Variants in MICAL3 observed in about 807,000 individuals in gnomAD.
MICAL3 encodes the protein microtubule associated monooxygenase, calponin and LIM domain containing 3.
Under a neutral mutation model 207.4 loss-of-function variants are expected in MICAL3, and 62 were observed. That is an observed-to-expected ratio of 0.30 (90% CI 0.24 to 0.37). The LOEUF (loss-of-function observed/expected upper bound fraction) is 0.37. Among genes scored for constraint, MICAL3 ranks in the 10% least tolerant of loss-of-function variants. MICAL3 has a pLI of 1.00. For synonymous variants in MICAL3, 1,077 were observed against 1,069.3 expected (o/e 1.01, Z -0.14); for missense variants, 2,368 against 2,635.6 (o/e 0.90, Z 2.22).
chr22:17,851,435 C>G (rs978102964), intron 19 of MICAL3, among the ~76,000 whole-genome samples: 1 of 152,206 alleles, frequency 6.6e-6, no homozygotes, highest in African/African-American at 2.4e-5. Flanking sequence ...AAACCAGAGG[C>G]TCTGCTGGGG....
At chr22:17,982,635 T>A (rs1935965527) in intron 1 of MICAL3, among the ~76,000 whole-genome samples, 1 of 150,444 alleles carries the variant, frequency 6.6e-6, no homozygotes, top group Non-Finnish European at 1.5e-5. Context: ...TGTACCACTG[T>A]ACTCCAGCCT....
Position 17,817,465 on chromosome 22 carries a change from G to T in MICAL3, c.5196C>A (p.Ala1732=). ...EKPSSNLLEE[A]AAKPKSLWKS... ...TCCACAGGGACTTGGGTTTGGCGGC[G>T]GCTTCTTCTAGGAGGTTGGAGCTGG... Residue 1732 remains alanine, a synonymous_variant, in exon 26 of 32, where the codon GCC becomes GCA. Coordinates refer to ENST00000441493, the MANE Select transcript of MICAL3 (RefSeq NM_015241.3). 1 of 1,613,754 alleles carries T rather than the reference G, an allele frequency of 6.2e-7. No homozygotes were observed. Among genetic ancestry groups the T allele is most frequent in the Non-Finnish European group, 8.5e-7 (1 of 1,179,864 alleles).
At chr22:17,970,340 C>T (rs150991731) in intron 1 of MICAL3, among the ~76,000 whole-genome samples, 1 of 152,186 alleles carries the variant, frequency 6.6e-6, no homozygotes, top group African/African-American at 2.4e-5. Flanking sequence ...AGAGGATGTT[C>T]GTGGTCTGCC....
In MICAL3 at chr22:17,822,046, C is replaced by T. The variant is rs374313942; in HGVS notation, c.3432G>A (p.Pro1144=). The part of the protein sequence containing the change: ...SEDEEKLPAS[P]KHQERGPSQA... The stretch of plus-strand genomic sequence containing the variant: ...CAGGCTCACCTCTCTCTTGGTGCTT[C>T]GGTGAGGCGGGCAGCTTCTCCTCAT... The change falls in exon 24 of 32, where the codon CCG becomes CCA. Residue 1144 remains proline, a synonymous_variant. Coordinates refer to ENST00000441493, the MANE Select transcript of MICAL3 (RefSeq NM_015241.3). 45 of 1,613,852 alleles carry T rather than the reference C, an allele frequency of 2.8e-5. No homozygotes were observed. Among genetic ancestry groups the T allele is most frequent in the African/African-American group, 2.4e-4 (18 of 75,074 alleles).
intron 28 of MICAL3, among the ~76,000 whole-genome samples, chr22:17,809,464 T>C (rs1411858985): frequency 6.6e-6 from 1 of 152,158 alleles, no homozygotes; most frequent in African/African-American, 2.4e-5. Flanking sequence ...TGAAACCCTG[T>C]CTCTACTAAA....
chr22:18,000,484 G>A (rs1922829812), intron 1 of MICAL3, among the ~76,000 whole-genome samples: 1 of 152,232 alleles, frequency 6.6e-6, no homozygotes, highest in Non-Finnish European at 1.5e-5. Flanking sequence ...TGAGGGGCCT[G>A]CCAGACCCCT....
chr22:17,855,701 A>T (rs1015990626), intron 19 of MICAL3, among the ~76,000 whole-genome samples: 3 of 152,176 alleles, frequency 2.0e-5, no homozygotes, highest in African/African-American at 7.2e-5. Flanking sequence ...GACTTCCCCC[A>T]TTGCACCTCA....
Position 17,789,925 on chromosome 22 carries a change from T to A in MICAL3, c.*807A>T, listed in dbSNP as rs992813968. 6.6e-6 allele frequency: 1 copy of A among 152,254 alleles called. No individual in the cohort carries two copies. Among genetic ancestry groups the A allele is most frequent in the African/African-American group, 2.4e-5 (1 of 41,464 alleles). The allele number at this position is 152,254 out of a possible 1,614,324, so 9.4% of individuals were successfully genotyped here. A position where few individuals can be genotyped will look rare whatever the true frequency, so the allele number is the denominator to read the frequency against. ...GAAAAACACGGAGGAAAAGGTCATCTCCTGTCCCGACATAAATGTGGAACA... is the reference window on the plus strand; with the variant it reads ...GAAAAACACGGAGGAAAAGGTCATCACCTGTCCCGACATAAATGTGGAACA... On this transcript the variant is annotated 3_prime_UTR_variant, in exon 32 of 32. Transcript: ENST00000441493.
At chr22:17,989,475 C>T (rs1392741412) in intron 1 of MICAL3, among the ~76,000 whole-genome samples, 5 of 152,176 alleles carry the variant, frequency 3.3e-5, no homozygotes, top group Non-Finnish European at 4.4e-5. Flanking sequence ...AGACAGAACC[C>T]GGTACAGCAG....
chr22:17,862,891 A>G (rs2146133955), intron 19 of MICAL3: 2 of 985,422 alleles, frequency 2.0e-6, no homozygotes, highest in Middle Eastern at 5.2e-4. Flanking sequence ...AAAGGTCCAC[A>G]CTGTGATTCC....
chr22:17,795,071 C>T (rs1010394227), intron 29 of MICAL3, among the ~76,000 whole-genome samples: 2 of 152,226 alleles, frequency 1.3e-5, no homozygotes, highest in African/African-American at 2.4e-5. Context: ...TGAACCCTTC[C>T]AGCGTGGCGT....
Position 17,790,915 on chromosome 22 carries a change from A to G in MICAL3, c.5826T>C (p.Asp1942=), listed in dbSNP as rs765108214. ...QELRERMAVE[D]HLKTEEELSE... Reference sequence around the variant, plus strand: ...ACAGCTCCTCCTCAGTCTTAAGGTGATCTTGAAGGAGAAGAAGGCATGAGG... The same window carrying G: ...ACAGCTCCTCCTCAGTCTTAAGGTGGTCTTGAAGGAGAAGAAGGCATGAGG... Residue 1942 remains aspartate, a splice_region_variant and synonymous_variant, in exon 32 of 32, where the codon GAT becomes GAC. Coordinates refer to ENST00000441493, the MANE Select transcript of MICAL3 (RefSeq NM_015241.3). 1 of 1,613,624 alleles carries G rather than the reference A, an allele frequency of 6.2e-7. No individual in the cohort carries two copies. The highest frequency in any genetic ancestry group is 1.1e-5 in the South Asian group (1 of 91,090).
chr22:17,845,965 C>T (rs1924592930), intron 19 of MICAL3, among the ~76,000 whole-genome samples: 1 of 152,204 alleles, frequency 6.6e-6, no homozygotes, highest in African/African-American at 2.4e-5. Context: ...TGTCAGGCAA[C>T]AGAACTTGGC....
chr22:17,905,269 T>C (rs1265685578), intron 2 of MICAL3, among the ~76,000 whole-genome samples: 2 of 152,150 alleles, frequency 1.3e-5, no homozygotes, highest in Non-Finnish European at 2.9e-5. Flanking sequence ...CTCCAGGCAA[T>C]CTCAAGCCTC....
At chr22:17,926,954 T>C in intron 1 of MICAL3, among the ~76,000 whole-genome samples, 1 of 152,358 alleles carries the variant, frequency 6.6e-6, no homozygotes. Flanking sequence ...AAAAGTTGTT[T>C]TTAACCATTT....
At chr22:17,965,640 C>G (rs941318924) in intron 1 of MICAL3, among the ~76,000 whole-genome samples, 4 of 152,186 alleles carry the variant, frequency 2.6e-5, no homozygotes, top group South Asian at 2.1e-4. Context: ...AGAGAGGCTA[C>G]GTAACTTGCC....
chr22:17,989,624 C>A (rs1921438489), intron 1 of MICAL3, among the ~76,000 whole-genome samples: 1 of 152,148 alleles, frequency 6.6e-6, no homozygotes, highest in Non-Finnish European at 1.5e-5. Context: ...CCTACCATGG[C>A]CTGAGCACAG....
In MICAL3 at chr22:17,817,322, A is replaced by T. The variant is rs1921115335; in HGVS notation, c.5339T>A (p.Val1780Asp). The T allele has an allele frequency of 3.1e-6, 5 of 1,599,656 alleles. No homozygotes were observed. In the African/African-American group the frequency reaches 4.0e-5, roughly 13 times the overall value. Residue 1780 changes from valine to aspartate, a missense_variant, in exon 26 of 32, where the codon GTC becomes GAC. Val to Asp is a radical substitution (Grantham distance 152, BLOSUM62 -3). Coordinates refer to ENST00000441493, the MANE Select transcript of MICAL3 (RefSeq NM_015241.3). ...GGCTGCTGACGCACCTGCCCTTACG[A>T]CGGGAAGCACCCTGTGCTTTCCAGA... ...VDSGKHRVLP[V>D]VRAELQLRRQ... is the part of the protein sequence containing the mutation.
chr22:17,941,512 G>A (rs969436748), intron 1 of MICAL3, among the ~76,000 whole-genome samples: 6 of 152,120 alleles, frequency 3.9e-5, no homozygotes, highest in African/African-American at 7.2e-5. Context: ...CTGCAAAGAC[G>A]GAAGTCAAAA....
Sources: allele counts gnomAD v4.1 joint callset (sites outside exome capture counted in the v4.1 genomes callset), GRCh38; gene constraint gnomAD v4.1.1; transcripts MANE v1.5; gene names NCBI Gene and HGNC (gene_info 2026-07-23, HGNC 2026-07-21).